The following CCDC39 variants were observed in gnomAD, a reference collection of about 807,000 sequenced individuals.
CCDC39 encodes coiled-coil domain 39 molecular ruler complex subunit.
CCDC39 carries 113 observed loss-of-function variants against 121.0 expected under a neutral mutation model. The ratio of observed to expected loss-of-function variants is 0.93; its 90% CI spans 0.80 to 1.09. CCDC39 has a LOEUF of 1.09. Among genes scored for constraint, CCDC39 ranks in the 50% least tolerant of loss-of-function variants. The probability of loss-of-function intolerance (pLI) is 0.00; values close to 1 mark genes in which losing one functional copy is unlikely to be tolerated. For synonymous variants in CCDC39, 349 were observed against 352.2 expected (o/e 0.99, Z 0.10); for missense variants, 1,063 against 1,074.7 (o/e 0.99, Z 0.15).
At chr3:180,627,257 C>CATA (rs1432331064) in intron 14 of CCDC39, among the ~76,000 whole-genome samples, 1 of 152,170 alleles carries the variant, frequency 6.6e-6, no homozygotes, top group Non-Finnish European at 1.5e-5. Context: ...ATAAGTATTA[C>CATA]ATAATTTTAA....
chr3:180,677,149 A>T (rs1363096305), intron 1 of CCDC39, among the ~76,000 whole-genome samples: 1 of 111,246 alleles, frequency 9.0e-6, no homozygotes, highest in African/African-American at 3.8e-5. Context: ...GTATTATAAT[A>T]ATAATAATAA....
chr3:180,662,109 T>C, intron 2 of CCDC39, 102 bp from the exon 3 acceptor site: 1 of 1,122,072 alleles, frequency 8.9e-7, no homozygotes, highest in Non-Finnish European at 1.3e-6. Flanking sequence ...TTCCCATAAA[T>C]TGCTTACATT....
At chr3:180,656,373 C>T (rs1377168932) in intron 6 of CCDC39, among the ~76,000 whole-genome samples, 4 of 152,072 alleles carry the variant, frequency 2.6e-5, no homozygotes, top group Non-Finnish European at 4.4e-5. Flanking sequence ...AAATATTTTT[C>T]CACTTCTACA....
chr3:180,672,587 G>T (rs191366363), intron 1 of CCDC39, among the ~76,000 whole-genome samples: 3 of 152,070 alleles, frequency 2.0e-5, no homozygotes, highest in Non-Finnish European at 4.4e-5. Flanking sequence ...ACAGAATAAG[G>T]CTCCATCTCA....
chr3:180,673,706 C>T (rs1712112272), intron 1 of CCDC39, among the ~76,000 whole-genome samples: 1 of 152,056 alleles, frequency 6.6e-6, no homozygotes, highest in Non-Finnish European at 1.5e-5. Context: ...CTAGGAAATA[C>T]AGCCTCAGCT....
chr3:180,662,985 C>T (rs190931957), intron 2 of CCDC39, among the ~76,000 whole-genome samples: 2 of 152,258 alleles, frequency 1.3e-5, no homozygotes, highest in East Asian at 3.9e-4. Flanking sequence ...TGCTGGGCAT[C>T]ATTAGGGAGT....
chr3:180,654,884 C>T lies in CCDC39; in HGVS notation c.808G>A (p.Glu270Lys), dbSNP rs1484989776. 1 of 1,594,158 alleles carries T rather than the reference C, an allele frequency of 6.3e-7. No homozygotes were observed. ...TCTGTGTTATTCCCAATCTCACTTT[C>T]CAAAAACTTGATCTTTTCTTTAACC... Reference protein sequence around the residue: ...NLVKEKIKFLESEIGNNTEFE... With the variant: ...NLVKEKIKFLKSEIGNNTEFE... The change falls in exon 7 of 20, where the codon GAA (glutamate) becomes AAA (lysine). Residue 270 changes from glutamate to lysine, a missense_variant. Glu to Lys is a moderately conservative substitution (Grantham distance 56). Coordinates refer to ENST00000476379, the MANE Select transcript of CCDC39 (RefSeq NM_181426.2).
chr3:180,654,689 G>T, intron 7 of CCDC39, 73 bp downstream of exon 7: 4 of 968,082 alleles, frequency 4.1e-6, no homozygotes, highest in Non-Finnish European at 4.3e-6. Context: ...CACAGGAAAA[G>T]CTTTATGCTT....
intron 1 of CCDC39, among the ~76,000 whole-genome samples, chr3:180,676,948 C>T (rs544371814): frequency 4.0e-5 from 6 of 150,536 alleles, no homozygotes; most frequent in Admixed American, 6.7e-5. Context: ...TTGAACAATG[C>T]GAACACTTGG....
intron 14 of CCDC39, among the ~76,000 whole-genome samples, chr3:180,625,094 T>C (rs1717526623): frequency 1.3e-5 from 2 of 152,196 alleles, no homozygotes; most frequent in South Asian, 2.1e-4. Flanking sequence ...GATGTTTTCA[T>C]CAATTATTTC....
intron 1 of CCDC39, among the ~76,000 whole-genome samples, chr3:180,674,339 A>T (rs1712132045): frequency 1.3e-5 from 2 of 152,078 alleles, no homozygotes; most frequent in Admixed American, 1.3e-4. Flanking sequence ...GTATCCTGAG[A>T]CTTTGCTGAA....
chr3:180,655,387 C>T (rs1234601991), intron 6 of CCDC39, among the ~76,000 whole-genome samples: 1 of 151,650 alleles, frequency 6.6e-6, no homozygotes, highest in Non-Finnish European at 1.5e-5. Context: ...TCACTCAGGC[C>T]TTTCACTGGT....
intron 1 of CCDC39, among the ~76,000 whole-genome samples, chr3:180,673,614 G>A (rs991302340): frequency 1.3e-5 from 2 of 152,136 alleles, no homozygotes; most frequent in African/African-American, 2.4e-5. Context: ...TTATTGCAAC[G>A]TTCATTTTGT....
At position 180,659,414 on chromosome 3, in the gene CCDC39, T is replaced by A. The variant is rs753342909; in HGVS notation, c.738+38A>T. 6.2e-6 allele frequency: 10 copies of A among 1,603,216 alleles called. No individual in the cohort carries two copies. The African/African-American group carries it at 8.1e-5, about 13-fold the overall frequency. Reference sequence around the variant, plus strand: ...ATGAGTTAAATACAAAAGAGACAAATGCAGCTGAACATTACAAGGACCAAA... The same window carrying A: ...ATGAGTTAAATACAAAAGAGACAAAAGCAGCTGAACATTACAAGGACCAAA... On this transcript the variant is annotated intron_variant, in intron 6 of 19. Coordinates refer to ENST00000476379, the MANE Select transcript of CCDC39 (RefSeq NM_181426.2).
At chr3:180,640,883 T>C (rs1471602540) in intron 13 of CCDC39, among the ~76,000 whole-genome samples, 2 of 151,996 alleles carry the variant, frequency 1.3e-5, no homozygotes, top group Non-Finnish European at 2.9e-5. Context: ...TTTAGAAACA[T>C]ATTCAATGTA....
intron 16 of CCDC39, chr3:180,617,620 AG>A (rs1717298115): frequency 7.4e-6 from 3 of 408,108 alleles, no homozygotes; most frequent in Middle Eastern, 3.7e-4. Flanking sequence ...AAAATTAAAA[AG>A]TAAAAAAACT....
chr3:180,644,336 A>G, intron 11 of CCDC39, 79 bp from the exon 12 acceptor site: 2 of 783,000 alleles, frequency 2.6e-6, no homozygotes, highest in South Asian at 2.1e-5. Context: ...TATTATATAT[A>G]TCTTACATTA....
intron 1 of CCDC39, among the ~76,000 whole-genome samples, chr3:180,677,672 C>T (rs577217661): frequency 8.5e-5 from 13 of 152,180 alleles, no homozygotes; most frequent in African/African-American, 2.4e-4. Context: ...CTCTCAAATA[C>T]TAAAATAAAT....
chr3:180,654,673 C>G, intron 7 of CCDC39, 89 bp downstream of exon 7: 47 of 567,466 alleles, frequency 8.3e-5, no homozygotes, highest in Non-Finnish European at 1.1e-4. Context: ...GAAGTAGTTT[C>G]TTTATCACAG....
Sources: allele counts gnomAD v4.1 joint callset (sites outside exome capture counted in the v4.1 genomes callset), GRCh38; gene constraint gnomAD v4.1.1; transcripts MANE v1.5; gene names NCBI Gene and HGNC (gene_info 2026-07-23, HGNC 2026-07-21).